The following KCNH1 variants were observed in gnomAD, a reference collection of about 807,000 sequenced individuals.
The protein encoded by KCNH1 is voltage-gated delayed rectifier potassium channel KCNH1.
KCNH1 carries 27 observed loss-of-function variants against 69.2 expected under a neutral mutation model. The observed-to-expected ratio is 0.39, with a 90% confidence interval of 0.29 to 0.54. The LOEUF is 0.54. Among genes scored for constraint, KCNH1 ranks in the 20% least tolerant of loss-of-function variants. The pLI is 0.68. For synonymous variants in KCNH1, 456 were observed against 487.7 expected (o/e 0.93, Z 0.86); for missense variants, 798 against 1,261.6 (o/e 0.63, Z 5.57).
chr1:211,121,629 T>C (rs554119071), intron 1 of KCNH1, among the ~76,000 whole-genome samples: 1 of 152,142 alleles, frequency 6.6e-6, no homozygotes, highest in Admixed American at 6.5e-5. Flanking sequence ...GGGCAAAGAC[T>C]TCATGACAAA....
intron 7 of KCNH1, among the ~76,000 whole-genome samples, chr1:210,837,040 T>C (rs1685297871): frequency 1.3e-5 from 2 of 152,316 alleles, no homozygotes; most frequent in Middle Eastern, 3.4e-3. Flanking sequence ...TGACTTACGA[T>C]GTTCTTCATG....
intron 6 of KCNH1, among the ~76,000 whole-genome samples, chr1:210,993,373 T>G (rs571364865): frequency 6.6e-6 from 1 of 152,286 alleles, no homozygotes; most frequent in African/African-American, 2.4e-5. Flanking sequence ...TGTAGTCAAT[T>G]ACTAAGCACT....
intron 3 of KCNH1, among the ~76,000 whole-genome samples, chr1:211,100,205 T>C (rs1296418723): frequency 6.6e-6 from 1 of 152,062 alleles, no homozygotes; most frequent in Non-Finnish European, 1.5e-5. Flanking sequence ...ATACTTACCC[T>C]GCTTAAAATC....
intron 5 of KCNH1, among the ~76,000 whole-genome samples, chr1:211,050,605 T>C (rs1004661665): frequency 6.6e-6 from 1 of 152,200 alleles, no homozygotes; most frequent in African/African-American, 2.4e-5. Flanking sequence ...CTCGGTTTCT[T>C]CCTATTTTGT....
intron 5 of KCNH1, 39 bp from the exon 6 acceptor site, chr1:211,019,295 G>T: frequency 7.5e-7 from 1 of 1,339,858 alleles, no homozygotes; most frequent in Non-Finnish European, 1.0e-6. Flanking sequence ...ACTAAGTTAG[G>T]ATTTAATTGC....
intron 7 of KCNH1, among the ~76,000 whole-genome samples, chr1:210,890,714 T>A (rs1322752064): frequency 2.0e-5 from 3 of 151,186 alleles, no homozygotes; most frequent in Non-Finnish European, 4.4e-5. Flanking sequence ...AAAAACCCCA[T>A]CAAAAAGTGG....
intron 6 of KCNH1, among the ~76,000 whole-genome samples, chr1:210,951,587 C>T (rs1390234787): frequency 6.6e-6 from 1 of 152,126 alleles, no homozygotes; most frequent in Non-Finnish European, 1.5e-5. Context: ...GTCATGGTTC[C>T]AGGGGTTAAC....
intron 6 of KCNH1, among the ~76,000 whole-genome samples, chr1:210,963,902 G>T (rs1435619089): frequency 6.6e-6 from 1 of 152,122 alleles, no homozygotes; most frequent in Non-Finnish European, 1.5e-5. Context: ...CCCCAATAGA[G>T]CAAGACAGGC....
At chr1:210,831,140 A>C (rs1055648161) in intron 7 of KCNH1, among the ~76,000 whole-genome samples, 1 of 152,210 alleles carries the variant, frequency 6.6e-6, no homozygotes, top group Non-Finnish European at 1.5e-5. Context: ...TTCTCCAAAC[A>C]TATAGGCCAA....
chr1:210,896,073 C>T (rs935592821), intron 7 of KCNH1, among the ~76,000 whole-genome samples: 3 of 152,058 alleles, frequency 2.0e-5, no homozygotes, highest in African/African-American at 7.2e-5. Context: ...GGTTTTATAC[C>T]AACAATCTCA....
intron 1 of KCNH1, among the ~76,000 whole-genome samples, chr1:211,111,221 T>G (rs1691454314): frequency 6.6e-6 from 1 of 152,208 alleles, no homozygotes. Flanking sequence ...TGGTTTATCC[T>G]TTCGTAAGCA....
intron 6 of KCNH1, among the ~76,000 whole-genome samples, chr1:210,983,347 C>G (rs990125218): frequency 6.6e-6 from 1 of 152,066 alleles, no homozygotes; most frequent in Non-Finnish European, 1.5e-5. Context: ...TCCTTGCCCA[C>G]GCCTATGTTC....
At chr1:211,053,938 A>G (rs919437355) in intron 5 of KCNH1, among the ~76,000 whole-genome samples, 14 of 152,164 alleles carry the variant, frequency 9.2e-5, no homozygotes, top group Admixed American at 7.9e-4. Context: ...GAACAGGAAG[A>G]TTTGAAAAAT....
chr1:211,085,723 A>T (rs1313518970), intron 4 of KCNH1, among the ~76,000 whole-genome samples: 1 of 152,220 alleles, frequency 6.6e-6, no homozygotes, highest in East Asian at 1.9e-4. Flanking sequence ...TTAAAAACAT[A>T]GGAAGAGCAA....
At position 210,680,770 on chromosome 1, in the gene KCNH1, C is replaced by T. The variant is rs1681245046; in HGVS notation, c.*2511G>A. The T allele has an allele frequency of 1.3e-5, 2 of 152,262 alleles. No homozygotes were observed. Among genetic ancestry groups the T allele is most frequent in the South Asian group, 2.1e-4 (1 of 4,808 alleles). 9.4% of individuals were successfully genotyped at this position (152,262 alleles called of 1,614,324 possible). On this transcript the variant is annotated 3_prime_UTR_variant, in exon 11 of 11. Coordinates refer to ENST00000271751, the MANE Select transcript of KCNH1 (RefSeq NM_172362.3). Reference sequence around the variant, plus strand: ...ATGCACCCACACGTGCACCTGTGACCCAAGATGAACAGATTCCTGCCGCAG... The same window carrying T: ...ATGCACCCACACGTGCACCTGTGACTCAAGATGAACAGATTCCTGCCGCAG...
At chr1:210,899,558 G>T (rs1686952138) in intron 7 of KCNH1, among the ~76,000 whole-genome samples, 1 of 151,982 alleles carries the variant, frequency 6.6e-6, no homozygotes, top group Non-Finnish European at 1.5e-5. Context: ...GGGGATTTCT[G>T]ATAATGTTTT....
intron 1 of KCNH1, among the ~76,000 whole-genome samples, chr1:211,123,930 C>T (rs1349463677): frequency 6.6e-6 from 1 of 151,962 alleles, no homozygotes; most frequent in Non-Finnish European, 1.5e-5. Flanking sequence ...GATTGGGAAG[C>T]TGGAGGGGAG....
chr1:211,002,326 A>G (rs537582245), intron 6 of KCNH1, among the ~76,000 whole-genome samples: 15 of 138,084 alleles, frequency 1.1e-4, no homozygotes, highest in South Asian at 6.8e-4. Flanking sequence ...GTATATATAT[A>G]TGTGTGTGTG....
intron 10 of KCNH1, among the ~76,000 whole-genome samples, chr1:210,713,666 T>C (rs1682136479): frequency 6.6e-6 from 1 of 152,202 alleles, no homozygotes; most frequent in Non-Finnish European, 1.5e-5. Context: ...TTTTCTTCCC[T>C]CAACCTGCAA....
Sources: gnomAD v4.1 joint callset for allele counts (sites outside exome capture counted in the v4.1 genomes callset) on GRCh38, gnomAD v4.1.1 for gene constraint, MANE v1.5 for transcripts, NCBI Gene and HGNC (gene_info 2026-07-23, HGNC 2026-07-21) for gene names.